ADCY5: variants seen among roughly 807,000 people sequenced by gnomAD.
ADCY5 encodes adenylate cyclase type 5.
In ADCY5, 30 loss-of-function variants were observed where a neutral mutation model predicts 119.7. That is an observed-to-expected ratio of 0.25 (90% CI 0.19 to 0.34). The LOEUF (loss-of-function observed/expected upper bound fraction) is 0.34, where lower values mean the gene tolerates loss of function less well. Ranked by LOEUF, ADCY5 falls within the 10% of genes least tolerant of loss-of-function variation. ADCY5 has a pLI of 1.00. For synonymous variants in ADCY5, 753 were observed against 762.2 expected (o/e 0.99, Z 0.20); for missense variants, 1,324 against 1,775.2 (o/e 0.75, Z 4.57).
chr3:123,318,989 AATG>A (rs1407414283), intron 10 of ADCY5, among the ~76,000 whole-genome samples: 1 of 152,222 alleles, frequency 6.6e-6, no homozygotes, highest in Non-Finnish European at 1.5e-5. Context: ...GTCCATTGAC[AATG>A]ATAATAACAA....
chr3:123,400,963 A>AAAATAAAT (rs760030096), intron 1 of ADCY5, among the ~76,000 whole-genome samples: 5 of 151,718 alleles, frequency 3.3e-5, no homozygotes, highest in Admixed American at 2.6e-4. Context: ...AATAAAAATA[A>AAAATAAAT]AAATAAATAA....
chr3:123,387,748 G>A (rs1180708720), intron 1 of ADCY5, among the ~76,000 whole-genome samples: 1 of 152,182 alleles, frequency 6.6e-6, no homozygotes, highest in African/African-American at 2.4e-5. Context: ...CCCAATGGCA[G>A]GCCAGGCACT....
At chr3:123,383,464 A>G (rs960006246) in intron 1 of ADCY5, among the ~76,000 whole-genome samples, 3 of 152,160 alleles carry the variant, frequency 2.0e-5, no homozygotes, top group Non-Finnish European at 4.4e-5. Context: ...GAGGGGTAAG[A>G]TTCTTCTGAT....
intron 1 of ADCY5, among the ~76,000 whole-genome samples, chr3:123,383,395 C>T (rs1486469053): frequency 6.6e-6 from 1 of 152,214 alleles, no homozygotes; most frequent in Non-Finnish European, 1.5e-5. Context: ...TTGAGGCAAG[C>T]GCGAAGGCCC....
In ADCY5 at chr3:123,365,122, C is replaced by T. The variant is rs529821420; in HGVS notation, c.1135-12541G>A. 5.9e-5 allele frequency among the ~76,000 whole-genome samples: 9 copies of T among 151,958 alleles called. No individual in the cohort carries two copies. In the South Asian group the frequency reaches 1.5e-3, roughly 25 times the overall value. On this transcript the variant is annotated intron_variant, in intron 1 of 20. Coordinates refer to ENST00000462833, the MANE Select transcript of ADCY5 (RefSeq NM_183357.3). ...CTAATTTTTGTATTTTTAGTAGAGA[C>T]GAGGTTTGTATATTTAGTAGAGATA...
At chr3:123,372,117 G>A (rs1943664922) in intron 1 of ADCY5, among the ~76,000 whole-genome samples, 1 of 152,168 alleles carries the variant, frequency 6.6e-6, no homozygotes, top group African/African-American at 2.4e-5. Flanking sequence ...AGCCCTGGTT[G>A]TCTCCTGAAA....
chr3:123,299,075 A>C (rs190197577), intron 15 of ADCY5, among the ~76,000 whole-genome samples: 2 of 152,278 alleles, frequency 1.3e-5, no homozygotes, highest in East Asian at 3.9e-4. Flanking sequence ...ATTAATGCAT[A>C]ATCTATTGAC....
chr3:123,373,613 GC>G (rs923125840), intron 1 of ADCY5, among the ~76,000 whole-genome samples: 7 of 152,224 alleles, frequency 4.6e-5, no homozygotes, highest in Non-Finnish European at 8.8e-5. Flanking sequence ...CCTGTTGTGA[GC>G]ACCCCAAGTG....
At chr3:123,342,080 A>C (rs1364641678) in intron 3 of ADCY5, among the ~76,000 whole-genome samples, 1 of 152,006 alleles carries the variant, frequency 6.6e-6, no homozygotes, top group Non-Finnish European at 1.5e-5. Flanking sequence ...ACAAGTATGA[A>C]CCATCGTGGC....
intron 1 of ADCY5, among the ~76,000 whole-genome samples, chr3:123,440,717 A>C (rs1302899311): frequency 6.6e-6 from 1 of 151,844 alleles, no homozygotes; most frequent in Admixed American, 6.6e-5. Flanking sequence ...TTTCATACCC[A>C]CTCACCAGAC....
chr3:123,392,736 C>T (rs1559857677), intron 1 of ADCY5, among the ~76,000 whole-genome samples: 1 of 152,150 alleles, frequency 6.6e-6, no homozygotes. Flanking sequence ...CTCTCTGTCT[C>T]CCTCTCCCTC....
intron 1 of ADCY5, among the ~76,000 whole-genome samples, chr3:123,443,285 G>C (rs1470780477): frequency 6.6e-6 from 1 of 152,106 alleles, no homozygotes; most frequent in African/African-American, 2.4e-5. Context: ...GGAGCCAGAG[G>C]TCGAGGTCCG....
rs116228985 is a variant in ADCY5 at position 123,344,025 on chromosome 3, G to T, written c.1406+3757C>A. On this transcript the variant is annotated intron_variant, in intron 3 of 20. Transcript: ENST00000462833. ...GGCTCCTTGGCCAGTCCCTGGCTGC[G>T]CCCCGGGGTGGTGTGTGCTGCACAA... Among the ~76,000 whole-genome samples, 1,510 of 152,292 alleles carry T rather than the reference G, an allele frequency of 9.9e-3. 28 individuals are homozygous for T. Among genetic ancestry groups the T allele is most frequent in the African/African-American group, 0.034 (1,418 of 41,552 alleles).
intron 1 of ADCY5, among the ~76,000 whole-genome samples, chr3:123,383,337 C>T (rs1266414693): frequency 2.6e-5 from 4 of 152,180 alleles, no homozygotes; most frequent in Admixed American, 6.5e-5. Context: ...CCACAGCTGC[C>T]CTCCTCGCCT....
intron 3 of ADCY5, among the ~76,000 whole-genome samples, chr3:123,347,547 C>T (rs186054147): frequency 5.6e-4 from 86 of 152,278 alleles, no homozygotes; most frequent in Admixed American, 3.4e-3. Flanking sequence ...TTTATTCTCT[C>T]CCTGCAGCCT....
At position 123,327,773 on chromosome 3, in the gene ADCY5, G is replaced by C; in HGVS notation, c.1806-14C>G. The C allele has an allele frequency of 6.2e-7, 1 of 1,613,896 alleles. No homozygotes were observed. The highest frequency in any genetic ancestry group is 2.2e-5 in the East Asian group (1 of 44,882). The stretch of plus-strand genomic sequence containing the variant: ...ATGTGGATGCGTCTACAGGGGGGCA[G>C]GGATCAGGGTGGAGAGGGCAGAAAA... On this transcript the variant is annotated splice_polypyrimidine_tract_variant and intron_variant, in intron 6 of 20. Coordinates refer to ENST00000462833, the MANE Select transcript of ADCY5 (RefSeq NM_183357.3).
chr3:123,357,014 C>T (rs1223011626), intron 1 of ADCY5, among the ~76,000 whole-genome samples: 1 of 152,090 alleles, frequency 6.6e-6, no homozygotes, highest in Non-Finnish European at 1.5e-5. Flanking sequence ...GACCATGATT[C>T]CATTTAGATG....
At position 123,447,372 on chromosome 3, in the gene ADCY5, C is replaced by T. The variant is rs768196184; in HGVS notation, c.1134+40G>A. 6.8e-6 allele frequency: 10 copies of T among 1,471,818 alleles called. No homozygotes were observed. In the South Asian group the frequency reaches 8.4e-5, roughly 12 times the overall value. 91.2% of individuals were successfully genotyped at this position (1,471,818 alleles called of 1,614,324 possible). On this transcript the variant is annotated intron_variant, in intron 1 of 20. Transcript: ENST00000462833. ...CTTTGGAGTCCAGCTGAGGCCTGCC[C>T]GCCCCGCAATCCAGTCCCGGTGGCC...
At chr3:123,330,865 G>A (rs752110868) in intron 5 of ADCY5, 24 bp downstream of exon 5, 31 of 1,596,056 alleles carry the variant, frequency 1.9e-5, no homozygotes, top group East Asian at 9.0e-5. Flanking sequence ...GGAGGGAGAC[G>A]GTACCCGGGG....
Sources: gnomAD v4.1 joint callset for allele counts (sites outside exome capture counted in the v4.1 genomes callset) on GRCh38, gnomAD v4.1.1 for gene constraint, MANE v1.5 for transcripts, NCBI Gene and HGNC (gene_info 2026-07-23, HGNC 2026-07-21) for gene names.